Variants in SENP6 observed in about 807,000 individuals in gnomAD.
The protein encoded by SENP6 is sentrin-specific protease 6.
Under a neutral mutation model 134.5 loss-of-function variants are expected in SENP6, and 41 were observed. The observed-to-expected ratio is 0.30, with a 90% CI of 0.24 to 0.40. The LOEUF (loss-of-function observed/expected upper bound fraction) is 0.40, where lower values mean the gene tolerates loss of function less well. Among genes scored for constraint, SENP6 ranks in the 10% least tolerant of loss-of-function variants. The pLI is 1.00. For synonymous variants in SENP6, 395 were observed against 429.8 expected, an observed-to-expected ratio of 0.92 and a Z score of 1.00; for missense variants, 1,248 against 1,312.5, an observed-to-expected ratio of 0.95 and a Z score of 0.76.
At chr6:75,650,951 A>G (rs1187184283) in intron 7 of SENP6, among the ~76,000 whole-genome samples, 4 of 152,120 alleles carry the variant, frequency 2.6e-5, no homozygotes, top group Non-Finnish European at 4.4e-5. Flanking sequence ...TGCCTTCTTT[A>G]TTTTGAATTT....
At chr6:75,622,470 A>G (rs1423178527) in intron 2 of SENP6, among the ~76,000 whole-genome samples, 1 of 152,164 alleles carries the variant, frequency 6.6e-6, no homozygotes, top group East Asian at 1.9e-4. Flanking sequence ...GAGGCAGGAG[A>G]ATCACTTGAA....
At chr6:75,686,794 G>A (rs144742538) in intron 16 of SENP6, among the ~76,000 whole-genome samples, 2,447 of 152,250 alleles carry the variant, frequency 0.016, 31 homozygotes, top group Non-Finnish European at 0.025. Context: ...TTCCCTTTGT[G>A]GGTAATCAAC....
intron 1 of SENP6, among the ~76,000 whole-genome samples, chr6:75,603,647 AG>A (rs1366859400): frequency 1.3e-5 from 2 of 152,218 alleles, no homozygotes; most frequent in Non-Finnish European, 2.9e-5. Context: ...ATCCCTAAAC[AG>A]GTTCTATAGG....
intron 18 of SENP6, among the ~76,000 whole-genome samples, chr6:75,702,358 C>T (rs771790350): frequency 5.3e-5 from 8 of 151,670 alleles, no homozygotes; most frequent in Non-Finnish European, 1.2e-4. Flanking sequence ...GCTGGGATTA[C>T]GGGTGCACAC....
intron 11 of SENP6, among the ~76,000 whole-genome samples, chr6:75,672,757 T>G (rs1438365067): frequency 6.6e-6 from 1 of 152,158 alleles, no homozygotes; most frequent in Non-Finnish European, 1.5e-5. Flanking sequence ...ATTCTACACT[T>G]GCTTATTATT....
chr6:75,707,781 C>T (rs1364969690), intron 19 of SENP6, among the ~76,000 whole-genome samples: 5 of 152,156 alleles, frequency 3.3e-5, no homozygotes, highest in African/African-American at 1.2e-4. Context: ...CTCCCAGGCT[C>T]AAGTGATCCT....
chr6:75,713,880 C>T, intron 23 of SENP6, 55 bp downstream of exon 23: 1 of 1,276,034 alleles, frequency 7.8e-7, no homozygotes, highest in East Asian at 2.4e-5. Flanking sequence ...GTGCATTTGA[C>T]TTTACCTTAG....
In SENP6 at chr6:75,713,746, C is replaced by G. The variant is rs771034288; in HGVS notation, c.3050C>G (p.Ser1017Cys). 80 of 1,613,246 alleles carry G rather than the reference C, an allele frequency of 5.0e-5. No homozygotes were observed. In the Admixed American group the frequency reaches 9.8e-4, roughly 20 times the overall value. Residue 1017 changes from serine (S) to cysteine (C), a missense_variant, in exon 23 of 24, where the codon TCT becomes TGT. By Grantham distance (112) the Ser-to-Cys change is moderately radical. Coordinates refer to ENST00000447266, the MANE Select transcript of SENP6 (RefSeq NM_015571.4). ...TTTTCCAAAGATGTTATGAAGGGCT[C>G]TAATCCAAAAGTACCACAGCAAAAC... ...RSFSKDVMKG[S>C]NPKVPQQNNF...
Position 75,678,417 on chromosome 6 carries a change from C to A in SENP6, c.1849-166C>A. On this transcript the variant is annotated intron_variant, in intron 14 of 23. Coordinates refer to ENST00000447266, the MANE Select transcript of SENP6 (RefSeq NM_015571.4). ...GCTACAGATAATAAGAAAGTGGCCC[C>A]TAGTTTTGCCTGTTTCTTGTTTTTA... 5.6e-6 allele frequency: 3 copies of A among 535,470 alleles called. No individual in the cohort carries two copies. The South Asian group carries it at 7.9e-5, about 14-fold the overall frequency. The allele number at this position is 535,470 out of a possible 1,614,324, so 33.2% of individuals were successfully genotyped here. A position where few individuals can be genotyped will look rare whatever the true frequency, so the allele number is the denominator to read the frequency against.
intron 1 of SENP6, among the ~76,000 whole-genome samples, chr6:75,612,528 A>C (rs1767532697): frequency 6.6e-6 from 1 of 151,966 alleles, no homozygotes; most frequent in Non-Finnish European, 1.5e-5. Flanking sequence ...ACAGAGTGTC[A>C]CTATGCTGCT....
intron 18 of SENP6, 194 bp downstream of exon 18, chr6:75,697,711 A>G: frequency 5.9e-6 from 3 of 510,364 alleles, no homozygotes; most frequent in South Asian, 7.3e-5. Context: ...ATTGAATTTT[A>G]GAGACAATAG....
At chr6:75,706,547 A>T (rs1327624198) in intron 19 of SENP6, among the ~76,000 whole-genome samples, 2 of 152,236 alleles carry the variant, frequency 1.3e-5, no homozygotes, top group African/African-American at 2.4e-5. Context: ...GTTAAATTTG[A>T]GTAAATAGCC....
At chr6:75,603,961 C>T (rs1413438926) in intron 1 of SENP6, among the ~76,000 whole-genome samples, 1 of 152,104 alleles carries the variant, frequency 6.6e-6, no homozygotes, top group East Asian at 1.9e-4. Context: ...GAATGGGTAC[C>T]TGTCGAGGCT....
intron 16 of SENP6, among the ~76,000 whole-genome samples, chr6:75,683,056 C>A (rs947088088): frequency 1.3e-5 from 2 of 152,210 alleles, no homozygotes; most frequent in East Asian, 3.8e-4. Flanking sequence ...TCCACATCCT[C>A]TCCAGCATCT....
intron 21 of SENP6, among the ~76,000 whole-genome samples, chr6:75,712,503 G>A (rs901232649): frequency 2.6e-5 from 4 of 151,632 alleles, no homozygotes; most frequent in East Asian, 1.9e-4. Flanking sequence ...ACAGTGAGAC[G>A]CCATCTCTGG....
At chr6:75,655,393 A>G (rs1288940889) in intron 7 of SENP6, 1 of 152,244 alleles carries the variant, frequency 6.6e-6, no homozygotes, top group African/African-American at 2.4e-5. Context: ...CAAAATCCCC[A>G]TGAAGACATA....
intron 7 of SENP6, among the ~76,000 whole-genome samples, chr6:75,651,110 T>A (rs931182465): frequency 2.6e-5 from 4 of 152,164 alleles, no homozygotes; most frequent in Admixed American, 2.6e-4. Context: ...TTTTATTTAG[T>A]TGCTTTAAAA....
chr6:75,622,488 G>A (rs1768350558), intron 2 of SENP6, among the ~76,000 whole-genome samples: 1 of 152,176 alleles, frequency 6.6e-6, no homozygotes, highest in Admixed American at 6.5e-5. Context: ...GAACCCGGGA[G>A]GTAGAGGTTG....
chr6:75,631,055 CATTT>C (rs777053821), intron 3 of SENP6, among the ~76,000 whole-genome samples: 7 of 151,542 alleles, frequency 4.6e-5, no homozygotes, highest in Non-Finnish European at 5.9e-5. Flanking sequence ...ATTTCAATGA[CATTT>C]ATCATTTATA....
Sources: allele counts gnomAD v4.1 joint callset (sites outside exome capture counted in the v4.1 genomes callset), GRCh38; gene constraint gnomAD v4.1.1; transcripts MANE v1.5; gene names NCBI Gene and HGNC (gene_info 2026-07-23, HGNC 2026-07-21).